ATRNL1: variants seen among roughly 807,000 people sequenced by gnomAD.
ATRNL1 encodes the protein attractin-like protein 1.
A neutral mutation model predicts 182.7 loss-of-function variants in ATRNL1; 95 were observed. That is an observed-to-expected ratio of 0.52 (90% CI 0.44 to 0.62). The LOEUF is 0.62. Among genes scored for constraint, ATRNL1 ranks in the 20% least tolerant of loss-of-function variants. ATRNL1 has a pLI of 0.00. For synonymous variants in ATRNL1, 576 were observed against 568.3 expected, an observed-to-expected ratio of 1.01 and a Z score of -0.19; for missense variants, 1,471 against 1,679.5, an observed-to-expected ratio of 0.88 and a Z score of 2.17.
intron 28 of ATRNL1, among the ~76,000 whole-genome samples, chr10:115,881,514 A>G (rs1951827164): frequency 1.3e-5 from 2 of 152,144 alleles, no homozygotes; most frequent in Non-Finnish European, 2.9e-5. Flanking sequence ...TACCTAACCA[A>G]AATATTGAAG....
intron 22 of ATRNL1, among the ~76,000 whole-genome samples, chr10:115,466,401 AC>A (rs1358627241): frequency 2.0e-5 from 3 of 151,314 alleles, no homozygotes; most frequent in African/African-American, 7.3e-5. Context: ...AGCTAAACTT[AC>A]CCATTATGAC....
intron 19 of ATRNL1, among the ~76,000 whole-genome samples, chr10:115,375,080 A>G (rs1474148920): frequency 6.6e-6 from 1 of 151,718 alleles, no homozygotes; most frequent in Non-Finnish European, 1.5e-5. Flanking sequence ...AAGGGTATTC[A>G]AGTCCCTTAC....
intron 26 of ATRNL1, among the ~76,000 whole-genome samples, chr10:115,603,057 G>C (rs1856696695): frequency 6.6e-6 from 1 of 152,156 alleles, no homozygotes; most frequent in Non-Finnish European, 1.5e-5. Flanking sequence ...CTGTCTCCAT[G>C]TAGTGGGGGT....
intron 25 of ATRNL1, among the ~76,000 whole-genome samples, chr10:115,539,672 A>T (rs1204645163): frequency 2.0e-5 from 3 of 152,130 alleles, no homozygotes; most frequent in African/African-American, 7.2e-5. Flanking sequence ...TTTTTCCTGA[A>T]TTCACTCACC....
chr10:115,500,066 G>A (rs1849743199), intron 24 of ATRNL1, among the ~76,000 whole-genome samples: 1 of 152,098 alleles, frequency 6.6e-6, no homozygotes. Context: ...AGAGAAAATA[G>A]GGGGAGGAAG....
chr10:115,683,426 T>G (rs782528246), intron 26 of ATRNL1, among the ~76,000 whole-genome samples: 28 of 152,110 alleles, frequency 1.8e-4, no homozygotes, highest in Non-Finnish European at 3.5e-4. Context: ...GAAAGCATTA[T>G]TTCTACCTTC....
At chr10:115,266,454 T>C (rs928107094) in intron 11 of ATRNL1, among the ~76,000 whole-genome samples, 4 of 151,740 alleles carry the variant, frequency 2.6e-5, no homozygotes, top group African/African-American at 9.6e-5. Flanking sequence ...AAAAAAATAC[T>C]TATTTTTCTG....
chr10:115,558,207 A>G (rs1314166952), intron 26 of ATRNL1, among the ~76,000 whole-genome samples: 4 of 152,196 alleles, frequency 2.6e-5, no homozygotes, highest in African/African-American at 9.7e-5. Flanking sequence ...AACAAAATGC[A>G]CAAAGTAGCA....
In ATRNL1 at chr10:115,129,647, T is replaced by C. The variant is rs946456091; in HGVS notation, c.829+112T>C. ...AGTTTGCACACCCAAGCCTTATATA[T>C]TTACTTTTATTTTTAGAATGTTCAG... On this transcript the variant is annotated intron_variant, in intron 5 of 28. Coordinates refer to ENST00000355044, the MANE Select transcript of ATRNL1 (RefSeq NM_207303.4). The C allele has an allele frequency of 8.3e-6, 6 of 719,988 alleles. No homozygotes were observed. In the East Asian group the frequency reaches 1.1e-4, roughly 13 times the overall value. The allele number at this position is 719,988 out of a possible 1,614,324, so 44.6% of individuals were successfully genotyped here.
chr10:115,350,629 T>TTGTC (rs202092809), intron 19 of ATRNL1, among the ~76,000 whole-genome samples: 1,951 of 151,736 alleles, frequency 0.013, 37 homozygotes, highest in African/African-American at 0.044. Context: ...ATTGGACTAT[T>TTGTC]TGTCTTTATG....
At chr10:115,369,963 G>T (rs1416251023) in intron 19 of ATRNL1, among the ~76,000 whole-genome samples, 1 of 152,234 alleles carries the variant, frequency 6.6e-6, no homozygotes, top group Admixed American at 6.5e-5. Flanking sequence ...ATTGCCAGGT[G>T]TTGTGGGAGG....
intron 8 of ATRNL1, among the ~76,000 whole-genome samples, chr10:115,202,069 G>T (rs1439181059): frequency 1.3e-5 from 2 of 151,920 alleles, no homozygotes; most frequent in Non-Finnish European, 2.9e-5. Flanking sequence ...TGTGATTTTT[G>T]TACATTGATT....
intron 14 of ATRNL1, among the ~76,000 whole-genome samples, chr10:115,284,635 G>T (rs1852520708): frequency 6.6e-6 from 1 of 152,120 alleles, no homozygotes; most frequent in Non-Finnish European, 1.5e-5. Context: ...GGGTCCATTT[G>T]GTGAAGACTA....
At chr10:115,401,825 A>G (rs940864959) in intron 20 of ATRNL1, among the ~76,000 whole-genome samples, 2 of 152,158 alleles carry the variant, frequency 1.3e-5, no homozygotes, top group Non-Finnish European at 2.9e-5. Flanking sequence ...TCTCCCCCAC[A>G]GTAATTTTAC....
intron 19 of ATRNL1, among the ~76,000 whole-genome samples, chr10:115,393,692 T>C (rs754965773): frequency 4.2e-4 from 64 of 152,086 alleles, no homozygotes; most frequent in Non-Finnish European, 8.2e-4. Context: ...TATATTGTTG[T>C]CAGTAAGAGA....
intron 27 of ATRNL1, among the ~76,000 whole-genome samples, chr10:115,748,610 A>G (rs536982990): frequency 3.4e-4 from 51 of 151,686 alleles, no homozygotes; most frequent in African/African-American, 1.2e-3. Context: ...TTTTTCCTCA[A>G]TTTCTTTTTA....
intron 11 of ATRNL1, among the ~76,000 whole-genome samples, chr10:115,266,179 T>C (rs1468998829): frequency 6.6e-6 from 1 of 151,784 alleles, no homozygotes; most frequent in East Asian, 1.9e-4. Context: ...AAATATGCTG[T>C]TTTAAGGGCA....
At chr10:115,489,574 G>C (rs575662749) in intron 24 of ATRNL1, among the ~76,000 whole-genome samples, 1 of 152,020 alleles carries the variant, frequency 6.6e-6, no homozygotes, top group Non-Finnish European at 1.5e-5. Context: ...CTTTCCATTT[G>C]CTTGGTAAAT....
At chr10:115,618,481 G>A (rs1441057268) in intron 26 of ATRNL1, among the ~76,000 whole-genome samples, 1 of 151,562 alleles carries the variant, frequency 6.6e-6, no homozygotes, top group African/African-American at 2.4e-5. Context: ...TTGCATAATG[G>A]TATTTCATAT....
Sources: gnomAD v4.1 joint callset for allele counts (sites outside exome capture counted in the v4.1 genomes callset) on GRCh38, gnomAD v4.1.1 for gene constraint, MANE v1.5 for transcripts, NCBI Gene and HGNC (gene_info 2026-07-23, HGNC 2026-07-21) for gene names.